The following ASMTL variants were observed in gnomAD, a reference collection of about 807,000 sequenced individuals.
The protein encoded by ASMTL is probable bifunctional dTTP/UTP pyrophosphatase/methyltransferase protein.
A neutral mutation model predicts 60.3 loss-of-function variants in ASMTL; 57 were observed. The ratio of observed to expected loss-of-function variants is 0.95; its 90% CI spans 0.76 to 1.18. The LOEUF (loss-of-function observed/expected upper bound fraction) is 1.18. ASMTL is among the 50% of genes most tolerant of loss of function. ASMTL has a pLI of 0.00. For missense variants in ASMTL, 981 were observed against 852.6 expected, an observed-to-expected ratio of 1.15 and a Z score of -1.88; for synonymous variants, 419 against 373.0, an observed-to-expected ratio of 1.12 and a Z score of -1.42.
At chrX:1,444,238 C>T (rs1249003306) in intron 1 of ASMTL, among the ~76,000 whole-genome samples, 9 of 148,564 alleles carry the variant, frequency 6.1e-5, no homozygotes, top group African/African-American at 1.2e-4. Context: ...AACGGAGTCT[C>T]GCTGTGTCGC....
At chrX:1,433,262 G>A (rs1228518964) in intron 5 of ASMTL, among the ~76,000 whole-genome samples, 1 of 151,992 alleles carries the variant, frequency 6.6e-6, no homozygotes, top group Non-Finnish European at 1.5e-5. Context: ...TGTTAATGAG[G>A]GGCCTTTTGG....
intron 6 of ASMTL, among the ~76,000 whole-genome samples, chrX:1,428,646 C>CAAATAAATAAATAAAT (rs1229272093): frequency 0.026 from 3,544 of 134,464 alleles, 104 homozygotes; most frequent in South Asian, 0.051. Context: ...GACTCCGTCT[C>CAAATAAATAAATAAAT]AAATAAATAA....
At chrX:1,431,990 C>T (rs1216947472) in intron 6 of ASMTL, 3 of 486,486 alleles carry the variant, frequency 6.2e-6, no homozygotes, top group African/African-American at 3.9e-5. Context: ...ACCACGTGAA[C>T]TCCTCTACCC....
chrX:1,436,499 C>T (rs1363271332), intron 3 of ASMTL, among the ~76,000 whole-genome samples: 2 of 152,202 alleles, frequency 1.3e-5, no homozygotes, highest in Non-Finnish European at 2.9e-5. Context: ...ACTACAGGCG[C>T]CCGCCACCAC....
At chrX:1,414,076 A>G (rs780284656) in intron 11 of ASMTL, 3 of 149,920 alleles carry the variant, frequency 2.0e-5, no homozygotes, top group East Asian at 2.0e-4. Flanking sequence ...CCTAAATGCA[A>G]TGGCAGGTGT....
intron 8 of ASMTL, 95 bp downstream of exon 8, chrX:1,425,430 C>T: frequency 1.4e-6 from 2 of 1,407,166 alleles, no homozygotes; most frequent in Admixed American, 2.2e-5. Flanking sequence ...AAGGTGTGGG[C>T]CTCCTTCCTC....
chrX:1,424,481 C>T (rs1224524731), intron 8 of ASMTL, among the ~76,000 whole-genome samples: 1 of 151,282 alleles, frequency 6.6e-6, no homozygotes, highest in Non-Finnish European at 1.5e-5. Context: ...CACGCCCACC[C>T]ATCCACACGC....
chrX:1,407,149 G>T (rs2089890368), intron 12 of ASMTL, among the ~76,000 whole-genome samples: 1 of 150,960 alleles, frequency 6.6e-6, no homozygotes, highest in South Asian at 2.1e-4. Flanking sequence ...GGTAGATGAT[G>T]GGTAGGTAGA....
At position 1,452,789 on chromosome X, in the gene ASMTL, C is replaced by G; in HGVS notation, c.52G>C (p.Ala18Pro). Residue 18 changes from alanine (A) to proline (P), a missense_variant, in exon 1 of 13, where the codon GCC (alanine) becomes CCC (proline). By Grantham distance (27) the Ala-to-Pro change is conservative. Transcript: ENST00000381317. ...TCCTGACGGCGTGGGGAGGCGCTGG[C>G]CAGCACCACGCGCTTGTGCAGCAGC... ...GKLLHKRVVL[A>P]SASPRRQEIL... 1 of 1,597,370 alleles carries G rather than the reference C, an allele frequency of 6.3e-7. No individual in the cohort carries two copies. Among genetic ancestry groups the G allele is most frequent in the Non-Finnish European group, 8.5e-7 (1 of 1,177,574 alleles).
At chrX:1,436,506 C>T (rs1420568693) in intron 3 of ASMTL, among the ~76,000 whole-genome samples, 10 of 150,814 alleles carry the variant, frequency 6.6e-5, no homozygotes, top group Non-Finnish European at 7.4e-5. Flanking sequence ...GCGCCCGCCA[C>T]CACACCCGGC....
Position 1,428,103 on chromosome X carries a change from G to T in ASMTL, c.528C>A (p.Tyr176Ter). ...SGEPMDKAGG[Y>*]GIQALGGMLV... is the part of the protein sequence containing the mutation. ...GCATGCCGCCCAGGGCCTGGATCCC[G>T]TAGCCGCCAGCTTTGTCCCTGGGTG... Residue 176 changes from tyrosine (Y) to a stop codon, truncating the protein, a stop_gained, in exon 7 of 13, where the codon TAC becomes TAA. Transcript: ENST00000381317. LOFTEE classifies it high-confidence loss of function. 1 of 1,605,206 alleles carries T rather than the reference G, an allele frequency of 6.2e-7. No individual in the cohort carries two copies. The highest frequency in any genetic ancestry group is 8.5e-7 in the Non-Finnish European group (1 of 1,173,084).
chrX:1,417,433 C>G (rs1481411231), intron 11 of ASMTL, among the ~76,000 whole-genome samples: 1 of 149,316 alleles, frequency 6.7e-6, no homozygotes, highest in African/African-American at 2.5e-5. Context: ...TGCACAGACA[C>G]ACACACAAGG....
Position 1,421,800 on chromosome X carries a change from T to G in ASMTL, c.1103A>C (p.Asp368Ala), listed in dbSNP as rs752017524. Residue 368 changes from aspartate (D) to alanine (A), a missense_variant, in exon 9 of 13, where the codon GAT becomes GCT. Physicochemically the swap from Asp to Ala is moderately radical, Grantham distance 126 (BLOSUM62 -2). Transcript: ENST00000381317. ...GAAGCCGTGCAGAGAGTATTCGCCA[T>G]CCGATGCCAGGTAGACGTTCGCTGT... Reference protein sequence around the residue: ...TETANVYLASDGEYSLHGFIM... With the variant: ...TETANVYLASAGEYSLHGFIM... 5.6e-6 allele frequency: 9 copies of G among 1,613,702 alleles called. No individual in the cohort carries two copies. Among genetic ancestry groups the G allele is most frequent in the Non-Finnish European group, 6.8e-6 (8 of 1,179,848 alleles).
chrX:1,439,750 C>T (rs1488384443), intron 2 of ASMTL, among the ~76,000 whole-genome samples: 2 of 150,438 alleles, frequency 1.3e-5, no homozygotes. Flanking sequence ...GCAGCAGAAT[C>T]GCTTGAACCT....
chrX:1,415,122 G>A (rs1204460441), intron 11 of ASMTL, among the ~76,000 whole-genome samples: 3 of 150,484 alleles, frequency 2.0e-5, no homozygotes, highest in East Asian at 4.0e-4. Context: ...TGTAATTTTA[G>A]TAGAGATGGG....
chrX:1,435,847 GT>G, intron 3 of ASMTL, 89 bp from the exon 4 acceptor site: 1 of 1,153,530 alleles, frequency 8.7e-7, no homozygotes, highest in Non-Finnish European at 1.3e-6. Context: ...GAAGTCACTT[GT>G]TTTATGGAAA....
intron 5 of ASMTL, among the ~76,000 whole-genome samples, chrX:1,434,530 G>A (rs1228881088): frequency 6.7e-6 from 1 of 149,564 alleles, no homozygotes; most frequent in East Asian, 2.0e-4. Context: ...AAGGCCGGGT[G>A]CAGTAGCTCA....
chrX:1,421,620 C>A (rs374797416), intron 9 of ASMTL, 38 bp downstream of exon 9: 2 of 1,610,840 alleles, frequency 1.2e-6, no homozygotes, highest in South Asian at 2.2e-5. Flanking sequence ...GCAAAATGCA[C>A]GCTAGACGGA....
At chrX:1,436,542 C>T (rs62604186) in intron 3 of ASMTL, among the ~76,000 whole-genome samples, 13,807 of 151,910 alleles carry the variant, frequency 0.091, 713 homozygotes, top group Non-Finnish European at 0.13. Context: ...TTAGTAGAGA[C>T]GGGGTTTCAC....
Sources: gnomAD v4.1 joint callset for allele counts (sites outside exome capture counted in the v4.1 genomes callset) on GRCh38, gnomAD v4.1.1 for gene constraint, MANE v1.5 for transcripts, NCBI Gene and HGNC (gene_info 2026-07-23, HGNC 2026-07-21) for gene names.